The following ABCA13 variants were observed in gnomAD, a reference collection of about 807,000 sequenced individuals.
ABCA13 encodes the protein ATP binding cassette subfamily A member 13.
ABCA13 carries 476 observed loss-of-function variants against 478.7 expected under a neutral mutation model. The observed-to-expected ratio is 0.99, with a 90% CI of 0.92 to 1.07. The LOEUF (loss-of-function observed/expected upper bound fraction) is 1.07, where lower values mean the gene tolerates loss of function less well. Ranked by LOEUF, ABCA13 falls within the 50% of genes least tolerant of loss-of-function variation. ABCA13 has a pLI of 0.00. For missense variants in ABCA13, 6,060 were observed against 5,910.6 expected (o/e 1.03, Z -0.83); for synonymous variants, 2,252 against 2,158.9 (o/e 1.04, Z -1.20).
intron 7 of ABCA13, among the ~76,000 whole-genome samples, chr7:48,233,417 C>T (rs1459130587): frequency 3.3e-5 from 5 of 151,842 alleles, no homozygotes; most frequent in Admixed American, 6.6e-5. Flanking sequence ...TGGGGGTCTT[C>T]GATTTATATT....
At chr7:48,239,487 T>C in intron 9 of ABCA13, 82 bp downstream of exon 9, 1 of 1,444,086 alleles carries the variant, frequency 6.9e-7, no homozygotes, top group South Asian at 1.5e-5. Context: ...TGCCCTGCCA[T>C]GTTTACTGTT....
rs1795234452 is a variant in ABCA13 at position 48,643,337 on chromosome 7, C to G, written c.14887C>G (p.Gln4963Glu). 1 of 1,613,136 alleles carries G rather than the reference C, an allele frequency of 6.2e-7. No individual in the cohort carries two copies. Among genetic ancestry groups the G allele is most frequent in the Non-Finnish European group, 8.5e-7 (1 of 1,179,572 alleles). The change falls in exon 60 of 62, where the codon CAA (glutamine) becomes GAA (glutamate). Residue 4963 changes from glutamine (Q) to glutamate (E), a missense_variant. Physicochemically the swap from Gln to Glu is conservative, Grantham distance 29. Coordinates refer to ENST00000435803, the MANE Select transcript of ABCA13 (RefSeq NM_152701.5). ...AGTTTGGCTCTGTAAGGAAGCAAATCAACATTGCACTGTTTCTGACCACTT... is the reference window on the plus strand; with the variant it reads ...AGTTTGGCTCTGTAAGGAAGCAAATGAACATTGCACTGTTTCTGACCACTT... ...VKVWLCKEAN[Q>E]HCTVSDHLKL...
intron 41 of ABCA13, among the ~76,000 whole-genome samples, chr7:48,416,653 C>G (rs1357095168): frequency 6.6e-6 from 1 of 152,060 alleles, no homozygotes; most frequent in Non-Finnish European, 1.5e-5. Context: ...TCGGAGAGTG[C>G]CCCGGGACCA....
intron 33 of ABCA13, 125 bp from the exon 34 acceptor site, chr7:48,374,222 G>A: frequency 2.6e-6 from 2 of 769,500 alleles, no homozygotes; most frequent in East Asian, 3.0e-5. Context: ...TGCCTGAAGC[G>A]ATGGTTGGGC....
rs116675782 is a variant in ABCA13 at position 48,566,109 on chromosome 7, C to G, written c.14355-14115C>G. On this transcript the variant is annotated intron_variant, in intron 55 of 61. Coordinates refer to ENST00000435803, the MANE Select transcript of ABCA13 (RefSeq NM_152701.5). ...TTCTTGACTCTCATTGACCTACTTT[C>G]ACGGTTTACAGACTGCTGATAATAT... 7.3e-3 allele frequency among the ~76,000 whole-genome samples: 1,119 copies of G among 152,280 alleles called. 10 individuals are homozygous for G. Among genetic ancestry groups the G allele is most frequent in the African/African-American group, 0.025 (1,057 of 41,572 alleles).
At chr7:48,397,914 C>A (rs566650019) in intron 38 of ABCA13, among the ~76,000 whole-genome samples, 29 of 152,312 alleles carry the variant, frequency 1.9e-4, no homozygotes, top group African/African-American at 6.5e-4. Flanking sequence ...TTGTCCCCCG[C>A]TCAGCATTCA....
intron 27 of ABCA13, among the ~76,000 whole-genome samples, chr7:48,322,119 G>A (rs1010137734): frequency 5.9e-5 from 9 of 152,192 alleles, no homozygotes; most frequent in African/African-American, 1.9e-4. Context: ...GCATCCCCAA[G>A]CAGTGAGGTG....
intron 53 of ABCA13, among the ~76,000 whole-genome samples, chr7:48,522,204 T>C (rs1461282800): frequency 6.6e-6 from 1 of 152,184 alleles, no homozygotes; most frequent in Non-Finnish European, 1.5e-5. Flanking sequence ...CCTGTGCAAC[T>C]GGGAATGGAT....
chr7:48,391,685 CAAG>C (rs780425213), intron 37 of ABCA13, among the ~76,000 whole-genome samples: 5 of 152,146 alleles, frequency 3.3e-5, no homozygotes, highest in Non-Finnish European at 5.9e-5. Context: ...AATCAGAAGT[CAAG>C]GAGCATTTTT....
chr7:48,620,126 T>TGAG (rs931227713), intron 59 of ABCA13, among the ~76,000 whole-genome samples: 2 of 151,904 alleles, frequency 1.3e-5, no homozygotes, highest in African/African-American at 4.8e-5. Flanking sequence ...CATGGAGCTC[T>TGAG]GAGGAGGAGG....
intron 48 of ABCA13, among the ~76,000 whole-genome samples, chr7:48,492,922 A>G (rs995651649): frequency 2.6e-5 from 4 of 152,064 alleles, no homozygotes; most frequent in African/African-American, 9.7e-5. Context: ...GCTACTTGGG[A>G]GGCTGAGGCA....
Position 48,310,065 on chromosome 7 carries a change from G to C in ABCA13, c.9440G>C (p.Ser3147Thr). The stretch of plus-strand genomic sequence containing the variant: ...TGGATCGCAGCGGAGGAACTCTGTA[G>C]CCTGCCAGGGTCAAAAGTGTATTCT... Reference protein sequence around the residue: ...KSWIAAEELCSLPGSKVYSLI... With the variant: ...KSWIAAEELCTLPGSKVYSLI... The change falls in exon 24 of 62, where the codon AGC becomes ACC. Residue 3147 changes from serine (S) to threonine (T), a missense_variant. Physicochemically the swap from Ser to Thr is moderately conservative, Grantham distance 58 (BLOSUM62 1). Transcript: ENST00000435803. 6.2e-7 allele frequency: 1 copy of C among 1,613,922 alleles called. No homozygotes were observed. The highest frequency in any genetic ancestry group is 8.5e-7 in the Non-Finnish European group (1 of 1,179,798).
At chr7:48,277,999 C>A in intron 17 of ABCA13, 95 bp from the exon 18 acceptor site, 1 of 407,556 alleles carries the variant, frequency 2.5e-6, no homozygotes, top group Non-Finnish European at 3.8e-6. Context: ...TATTATAAAA[C>A]AAATAAAATA....
At chr7:48,451,209 G>A (rs929573772) in intron 42 of ABCA13, among the ~76,000 whole-genome samples, 6 of 151,988 alleles carry the variant, frequency 3.9e-5, no homozygotes, top group African/African-American at 1.2e-4. Context: ...TGTTGGACAC[G>A]CTGGTCTTGA....
intron 44 of ABCA13, among the ~76,000 whole-genome samples, chr7:48,468,985 GATATAGAT>G (rs1417422331): frequency 2.0e-5 from 3 of 152,214 alleles, no homozygotes; most frequent in Non-Finnish European, 4.4e-5. Flanking sequence ...CTGACGGGTA[GATATAGAT>G]ATTTAGCTTT....
chr7:48,566,643 T>A (rs888435544), intron 55 of ABCA13, among the ~76,000 whole-genome samples: 1 of 152,142 alleles, frequency 6.6e-6, no homozygotes, highest in African/African-American at 2.4e-5. Context: ...TGTATGCAAA[T>A]CTGCACAAGG....
chr7:48,229,131 T>A (rs188681244), intron 6 of ABCA13, among the ~76,000 whole-genome samples: 1 of 152,352 alleles, frequency 6.6e-6, no homozygotes, highest in African/African-American at 2.4e-5. Context: ...GCACAGCTTA[T>A]GATTGTGTTG....
At chr7:48,230,002 C>T (rs1234009543) in intron 7 of ABCA13, 47 bp downstream of exon 7, 3 of 1,562,912 alleles carry the variant, frequency 1.9e-6, no homozygotes, top group Non-Finnish European at 2.6e-6. Context: ...CGTTTAACTA[C>T]TTAAATTCAT....
chr7:48,363,071 A>G (rs1007352923), intron 31 of ABCA13, among the ~76,000 whole-genome samples: 1 of 152,068 alleles, frequency 6.6e-6, no homozygotes, highest in African/African-American at 2.4e-5. Context: ...AAATGTACTC[A>G]TTGCTTACCA....
Sources: allele counts gnomAD v4.1 joint callset (sites outside exome capture counted in the v4.1 genomes callset), GRCh38; gene constraint gnomAD v4.1.1; transcripts MANE v1.5; gene names NCBI Gene and HGNC (gene_info 2026-07-23, HGNC 2026-07-21).